Variants in FHIP1A observed in about 807,000 individuals in gnomAD.
FHIP1A encodes the protein FHF complex subunit HOOK-interacting protein 1A.
FHIP1A carries 61 observed loss-of-function variants against 88.6 expected under a neutral mutation model. That is an observed-to-expected ratio of 0.69 (90% CI 0.56 to 0.85). The LOEUF is 0.85. Among genes scored for constraint, FHIP1A ranks in the 40% least tolerant of loss-of-function variants. The pLI is 0.00. For missense variants in FHIP1A, 1,154 were observed against 1,273.5 expected (o/e 0.91, Z 1.43); for synonymous variants, 478 against 496.0 (o/e 0.96, Z 0.48).
chr4:151,631,419 TA>T (rs1190972711), intron 8 of FHIP1A, among the ~76,000 whole-genome samples: 1 of 152,068 alleles, frequency 6.6e-6, no homozygotes, highest in Non-Finnish European at 1.5e-5. Flanking sequence ...ATGGAAGATC[TA>T]AATAAATTTA....
At chr4:151,648,905 C>G (rs1736892362) in intron 10 of FHIP1A, among the ~76,000 whole-genome samples, 1 of 151,486 alleles carries the variant, frequency 6.6e-6, no homozygotes, top group East Asian at 1.9e-4. Flanking sequence ...GTTAAAATGA[C>G]TTTTGTAGTG....
chr4:151,654,439 G>A (rs1737153877), intron 11 of FHIP1A, among the ~76,000 whole-genome samples: 1 of 151,008 alleles, frequency 6.6e-6, no homozygotes, highest in African/African-American at 2.5e-5. Context: ...GGAAGGCACA[G>A]TCTGGGACTG....
chr4:151,556,342 T>C (rs912797706), intron 3 of FHIP1A, among the ~76,000 whole-genome samples: 2 of 152,194 alleles, frequency 1.3e-5, no homozygotes, highest in Non-Finnish European at 2.9e-5. Context: ...TCCCTCACTT[T>C]TGAAAATTCT....
chr4:151,545,704 AC>A (rs144268911), intron 3 of FHIP1A, among the ~76,000 whole-genome samples: 44,079 of 151,830 alleles, frequency 0.29, 6,645 homozygotes, highest in Non-Finnish European at 0.34. Context: ...TTTCAGAATA[AC>A]CTATCTATAT....
chr4:151,521,798 C>T (rs7665950), intron 3 of FHIP1A, among the ~76,000 whole-genome samples: 53,337 of 151,914 alleles, frequency 0.35, 9,974 homozygotes, highest in Non-Finnish European at 0.43. Context: ...GATCACAGCT[C>T]ACTGCAGCCT....
chr4:151,596,841 A>T (rs1734667950), intron 7 of FHIP1A, among the ~76,000 whole-genome samples: 1 of 151,934 alleles, frequency 6.6e-6, no homozygotes, highest in African/African-American at 2.4e-5. Context: ...TGTATGCTTC[A>T]TGAAGTGCTC....
intron 7 of FHIP1A, among the ~76,000 whole-genome samples, chr4:151,605,461 T>A (rs940800402): frequency 2.6e-5 from 4 of 152,152 alleles, no homozygotes; most frequent in African/African-American, 9.7e-5. Flanking sequence ...GCCTGCACCT[T>A]TGGTTTATGC....
intron 1 of FHIP1A, among the ~76,000 whole-genome samples, chr4:151,412,182 C>A (rs1287369031): frequency 1.3e-5 from 2 of 152,092 alleles, no homozygotes; most frequent in African/African-American, 4.8e-5. Context: ...CGGCTCACTG[C>A]AACCTCTGCC....
At chr4:151,478,592 A>G (rs1314328857) in intron 2 of FHIP1A, among the ~76,000 whole-genome samples, 1 of 152,150 alleles carries the variant, frequency 6.6e-6, no homozygotes, top group Non-Finnish European at 1.5e-5. Context: ...GAGGTTATCA[A>G]TACTAGCTGT....
At chr4:151,410,213 T>C (rs1398387548) in intron 1 of FHIP1A, among the ~76,000 whole-genome samples, 1 of 152,220 alleles carries the variant, frequency 6.6e-6, no homozygotes, top group East Asian at 1.9e-4. Context: ...TGTCCCAGCC[T>C]CCTGGACCCA....
At chr4:151,467,864 C>G (rs991369908) in intron 2 of FHIP1A, among the ~76,000 whole-genome samples, 2 of 151,504 alleles carry the variant, frequency 1.3e-5, no homozygotes, top group African/African-American at 2.4e-5. Context: ...AGCATTAGGA[C>G]AAATACCTAA....
chr4:151,662,611 C>T lies in FHIP1A; in HGVS notation c.2980C>T (p.Pro994Ser), dbSNP rs1011992687. 7.1e-6 allele frequency: 11 copies of T among 1,551,542 alleles called. No individual in the cohort carries two copies. In the Admixed American group the frequency reaches 9.8e-5, roughly 14 times the overall value. The change falls in exon 14 of 14, where the codon CCC becomes TCC. Residue 994 changes from proline to serine, a missense_variant. Pro to Ser is a moderately conservative substitution (Grantham distance 74). Transcript: ENST00000435205. ...CAGAACCAAGGTGGCTGAGGCACCCCCCAACCTGCCCCTGCCGGTGAGGAA... is the reference window on the plus strand; with the variant it reads ...CAGAACCAAGGTGGCTGAGGCACCCTCCAACCTGCCCCTGCCGGTGAGGAA... ...THRTKVAEAP[P>S]NLPLPVRNPM...
rs898697185 is a variant in FHIP1A at position 151,454,825 on chromosome 4, A to G, written c.-248+17A>G. On this transcript the variant is annotated intron_variant, in intron 2 of 13. Coordinates refer to ENST00000435205, the MANE Select transcript of FHIP1A (RefSeq NM_001109977.3). ...GAAGTTGAGGTAGGAATATTTATAA[A>G]TACGTTCCTTAACTTTTAGCTTGTG... The G allele has an allele frequency of 7.9e-5, 12 of 152,190 alleles. No individual in the cohort carries two copies. The highest frequency in any genetic ancestry group is 1.6e-4 in the Non-Finnish European group (11 of 68,030). The allele number at this position is 152,190 out of a possible 1,614,324, so 9.4% of individuals were successfully genotyped here.
intron 6 of FHIP1A, 32 bp from the exon 7 acceptor site, chr4:151,588,808 G>A (rs1212254025): frequency 1.5e-6 from 2 of 1,319,016 alleles, no homozygotes; most frequent in South Asian, 2.5e-5. Flanking sequence ...TGAACTCTTT[G>A]CCTTTTTCAT....
intron 3 of FHIP1A, among the ~76,000 whole-genome samples, chr4:151,543,881 A>G (rs1357852667): frequency 6.6e-6 from 1 of 152,248 alleles, no homozygotes; most frequent in Non-Finnish European, 1.5e-5. Context: ...GTATGTTTGC[A>G]AAATTGCCTT....
chr4:151,415,664 C>T (rs2709811), intron 1 of FHIP1A, among the ~76,000 whole-genome samples: 53,433 of 152,070 alleles, frequency 0.35, 9,988 homozygotes, highest in Non-Finnish European at 0.43. Flanking sequence ...TACATTTCCT[C>T]TAGTAGTGTC....
intron 3 of FHIP1A, among the ~76,000 whole-genome samples, chr4:151,558,926 C>T (rs776732148): frequency 6.6e-6 from 1 of 152,138 alleles, no homozygotes; most frequent in Non-Finnish European, 1.5e-5. Context: ...TTAAGACAAC[C>T]ACTTAAAAAG....
intron 3 of FHIP1A, among the ~76,000 whole-genome samples, chr4:151,546,082 G>A (rs1020719027): frequency 6.6e-6 from 1 of 152,160 alleles, no homozygotes; most frequent in Admixed American, 6.5e-5. Context: ...CCCTGAGTGT[G>A]GGCATGGAAC....
intron 8 of FHIP1A, 65 bp from the exon 9 acceptor site, chr4:151,638,612 T>TATCTGTGG: frequency 1.1e-6 from 1 of 938,472 alleles, no homozygotes; most frequent in East Asian, 2.7e-5. Context: ...ATTTATTTAC[T>TATCTGTGG]ATCTGTGGGG....
Sources: gnomAD v4.1 joint callset for allele counts (sites outside exome capture counted in the v4.1 genomes callset) on GRCh38, gnomAD v4.1.1 for gene constraint, MANE v1.5 for transcripts, NCBI Gene and HGNC (gene_info 2026-07-23, HGNC 2026-07-21) for gene names.